The following NLRC5 variants were observed in gnomAD, a reference collection of about 807,000 sequenced individuals.
NLRC5 encodes the protein NLR family CARD domain containing 5.
A neutral mutation model predicts 206.9 loss-of-function variants in NLRC5; 114 were observed. The ratio of observed to expected loss-of-function variants is 0.55; its 90% CI spans 0.47 to 0.64. The LOEUF (loss-of-function observed/expected upper bound fraction) is 0.64, where lower values mean the gene tolerates loss of function less well. Ranked by LOEUF, NLRC5 falls within the 30% of genes least tolerant of loss-of-function variation. The probability of loss-of-function intolerance (pLI) is 0.00; values close to 1 mark genes in which losing one functional copy is unlikely to be tolerated. For missense variants in NLRC5, 2,008 were observed against 2,305.5 expected (o/e 0.87, Z 2.64); for synonymous variants, 952 against 962.8 (o/e 0.99, Z 0.21).
chr16:56,998,358 C>A (rs1567500863), intron 1 of NLRC5, among the ~76,000 whole-genome samples: 1 of 152,142 alleles, frequency 6.6e-6, no homozygotes, highest in African/African-American at 2.4e-5. Context: ...CCTGCAGTAA[C>A]CCCTATTTGA....
chr16:57,025,798 A>T lies in NLRC5; in HGVS notation c.855A>T (p.Glu285Asp). 1 of 1,614,192 alleles carries T rather than the reference A, an allele frequency of 6.2e-7. No homozygotes were observed. Among genetic ancestry groups the T allele is most frequent in the Non-Finnish European group, 8.5e-7 (1 of 1,180,020 alleles). Reference protein sequence around the residue: ...ELLFDLYLSPESDHDTVFQYL... With the variant: ...ELLFDLYLSPDSDHDTVFQYL... ...TTTTTGATCTGTACCTGAGCCCTGA[A>T]TCGGACCACGACACTGTCTTCCAGT... The change falls in exon 6 of 49, where the codon GAA becomes GAT. Residue 285 changes from glutamate to aspartate, a missense_variant. Coordinates refer to ENST00000688547, the MANE Select transcript of NLRC5 (RefSeq NM_001384950.1).
At chr16:57,036,206 G>A in intron 14 of NLRC5, 23 bp downstream of exon 14, 2 of 1,609,172 alleles carry the variant, frequency 1.2e-6, no homozygotes, top group Non-Finnish European at 1.7e-6. Context: ...CCCCACCGCT[G>A]GGTACCAGGG....
At chr16:57,034,393 G>A in intron 13 of NLRC5, 142 bp downstream of exon 13, 1 of 656,048 alleles carries the variant, frequency 1.5e-6, no homozygotes, top group South Asian at 1.8e-5. Flanking sequence ...CATTGTAACA[G>A]CTGCTACTAT....
intron 1 of NLRC5, among the ~76,000 whole-genome samples, chr16:57,001,059 G>C (rs907564050): frequency 3.9e-5 from 6 of 152,156 alleles, no homozygotes; most frequent in Admixed American, 3.9e-4. Flanking sequence ...GGTGTTATCC[G>C]AAGCCCTGAC....
intron 1 of NLRC5, among the ~76,000 whole-genome samples, chr16:57,007,687 C>A (rs904894496): frequency 6.6e-6 from 1 of 152,112 alleles, no homozygotes; most frequent in East Asian, 1.9e-4. Flanking sequence ...GGAGATCGTG[C>A]CACTGTACTC....
In NLRC5 at chr16:57,079,208, C is replaced by G. The variant is rs965995526; in HGVS notation, c.5166-13C>G. On this transcript the variant is annotated splice_polypyrimidine_tract_variant and intron_variant, in intron 44 of 48. Transcript: ENST00000688547. Reference sequence around the variant, plus strand: ...TGGGGGTTCCTCTCACAGGTATCTCCCCTACCCTGCAGCTTGGCGGAAAAC... The same window carrying G: ...TGGGGGTTCCTCTCACAGGTATCTCGCCTACCCTGCAGCTTGGCGGAAAAC... 5.0e-6 allele frequency: 8 copies of G among 1,613,920 alleles called. No individual in the cohort carries two copies. The South Asian group carries it at 8.8e-5, about 18-fold the overall frequency.
chr16:57,044,073 C>T (rs578012339), intron 20 of NLRC5, among the ~76,000 whole-genome samples: 3 of 148,546 alleles, frequency 2.0e-5, no homozygotes, highest in South Asian at 4.3e-4. Context: ...CCAAGGTGGG[C>T]GGATCACGTG....
Position 57,049,418 on chromosome 16 carries a change from C to A in NLRC5, c.3422+1790C>A, listed in dbSNP as rs80096790. ...GCGGGCTCTGCTGGCCAAGGCAAATCATCTGCAGAGGAAGCTTAATATAAA... is the reference window on the plus strand; with the variant it reads ...GCGGGCTCTGCTGGCCAAGGCAAATAATCTGCAGAGGAAGCTTAATATAAA... On this transcript the variant is annotated intron_variant, in intron 23 of 48. Coordinates refer to ENST00000688547, the MANE Select transcript of NLRC5 (RefSeq NM_001384950.1). Among the ~76,000 whole-genome samples the A allele has an allele frequency of 5.1e-3, 778 of 152,278 alleles. 9 individuals carry two copies. Among genetic ancestry groups the A allele is most frequent in the African/African-American group, 0.018 (732 of 41,558 alleles).
At chr16:57,068,212 C>T (rs1262202338) in intron 36 of NLRC5, among the ~76,000 whole-genome samples, 1 of 151,936 alleles carries the variant, frequency 6.6e-6, no homozygotes, top group African/African-American at 2.4e-5. Flanking sequence ...GGTGGATTGC[C>T]TGAGCTCAGG....
At chr16:57,059,251 G>A in intron 29 of NLRC5, 190 bp downstream of exon 29, 1 of 1,473,122 alleles carries the variant, frequency 6.8e-7, no homozygotes, top group South Asian at 1.4e-5. Flanking sequence ...TGATGCCCGG[G>A]TGCCATGGGG....
chr16:57,011,852 TTATAA>T (rs1249435049), intron 1 of NLRC5, among the ~76,000 whole-genome samples: 1 of 152,222 alleles, frequency 6.6e-6, no homozygotes, highest in African/African-American at 2.4e-5. Flanking sequence ...GAATACATTA[TTATAA>T]TATGTTAATT....
chr16:57,015,925 CAAA>C (rs35216159), intron 1 of NLRC5, among the ~76,000 whole-genome samples: 2 of 39,662 alleles, frequency 5.0e-5, no homozygotes, highest in Admixed American at 2.8e-4. Context: ...AACTCCATCT[CAAA>C]AAAAAAAAAA....
At chr16:57,021,404 G>A (rs2060657357) in intron 3 of NLRC5, among the ~76,000 whole-genome samples, 1 of 152,160 alleles carries the variant, frequency 6.6e-6, no homozygotes, top group African/African-American at 2.4e-5. Flanking sequence ...TGTTGCCTAG[G>A]CTGGAGTGCA....
At chr16:57,081,698 G>A (rs1366644539) in intron 48 of NLRC5, 88 bp downstream of exon 48, 17 of 1,153,034 alleles carry the variant, frequency 1.5e-5, no homozygotes, top group Non-Finnish European at 2.2e-5. Context: ...GAGGCGGCAG[G>A]GCCTGGGCTG....
chr16:57,023,914 C>G (rs532239425), intron 5 of NLRC5, 61 bp downstream of exon 5: 2 of 1,475,856 alleles, frequency 1.4e-6, no homozygotes, highest in Non-Finnish European at 1.9e-6. Flanking sequence ...GGGCCAAGAC[C>G]CGGACCCTGG....
intron 32 of NLRC5, 69 bp downstream of exon 32, chr16:57,061,770 A>AGCAGGGGAGCAGG: frequency 6.4e-7 from 1 of 1,569,906 alleles, no homozygotes; most frequent in Non-Finnish European, 8.6e-7. Context: ...GCACTGGAGT[A>AGCAGGGGAGCAGG]AGAGGCCCCC....
intron 23 of NLRC5, chr16:57,047,944 C>A: frequency 2.6e-6 from 1 of 391,136 alleles, no homozygotes; most frequent in Non-Finnish European, 4.7e-6. Context: ...CCAGGGCACC[C>A]ACTTGAACCT....
At chr16:57,073,820 C>T (rs1396912170) in intron 38 of NLRC5, among the ~76,000 whole-genome samples, 2 of 152,192 alleles carry the variant, frequency 1.3e-5, no homozygotes, top group African/African-American at 4.8e-5. Flanking sequence ...TCTCGAACTC[C>T]TGACCTCAGG....
intron 38 of NLRC5, among the ~76,000 whole-genome samples, chr16:57,072,646 A>T (rs2895451): frequency 0.32 from 49,289 of 152,000 alleles, 9,993 homozygotes; most frequent in Non-Finnish European, 0.45. Flanking sequence ...TTTAGACAGT[A>T]TCTGGACAGA....
Sources: gnomAD v4.1 joint callset for allele counts (sites outside exome capture counted in the v4.1 genomes callset) on GRCh38, gnomAD v4.1.1 for gene constraint, MANE v1.5 for transcripts, NCBI Gene and HGNC (gene_info 2026-07-23, HGNC 2026-07-21) for gene names.